The following SUPT3H variants were observed in gnomAD, a reference collection of about 807,000 sequenced individuals.
SUPT3H encodes transcription initiation protein SPT3 homolog.
Under a neutral mutation model 44.3 loss-of-function variants are expected in SUPT3H, and 44 were observed. The observed-to-expected ratio is 0.99, with a 90% CI of 0.78 to 1.28. The LOEUF is 1.28. SUPT3H is among the 50% of genes most tolerant of loss of function. The pLI, the probability that SUPT3H is intolerant of heterozygous loss-of-function variation, is 0.00. For synonymous variants in SUPT3H, 124 were observed against 125.6 expected (o/e 0.99, Z 0.09); for missense variants, 380 against 387.1 (o/e 0.98, Z 0.15).
chr6:45,177,046 G>A (rs1385134302), intron 2 of SUPT3H, among the ~76,000 whole-genome samples: 2 of 152,210 alleles, frequency 1.3e-5, no homozygotes, highest in Non-Finnish European at 2.9e-5. Context: ...TTCCTCACCA[G>A]CAACGGAACA....
At chr6:45,044,189 G>C (rs1168943096) in intron 3 of SUPT3H, among the ~76,000 whole-genome samples, 4 of 152,152 alleles carry the variant, frequency 2.6e-5, no homozygotes, top group Non-Finnish European at 5.9e-5. Context: ...TTAAGCCTCT[G>C]TGCCAATCTC....
intron 10 of SUPT3H, among the ~76,000 whole-genome samples, chr6:44,921,083 T>C (rs1192865827): frequency 6.6e-6 from 1 of 152,194 alleles, no homozygotes; most frequent in East Asian, 1.9e-4. Flanking sequence ...TTTGCTATAT[T>C]TGGATAACTG....
chr6:44,960,153 T>A (rs1241594587), intron 7 of SUPT3H, among the ~76,000 whole-genome samples: 2 of 150,240 alleles, frequency 1.3e-5, no homozygotes, highest in African/African-American at 2.4e-5. Context: ...TATTATTGAG[T>A]TAAAAACAAA....
At chr6:44,898,666 G>A (rs1056910695) in intron 10 of SUPT3H, 3 of 152,512 alleles carry the variant, frequency 2.0e-5, no homozygotes, top group Non-Finnish European at 4.4e-5. Flanking sequence ...TACACCTGAG[G>A]TGCCTGCATT....
chr6:44,813,068 C>T (rs1766644988), intron 11 of SUPT3H, among the ~76,000 whole-genome samples: 1 of 152,064 alleles, frequency 6.6e-6, no homozygotes, highest in Admixed American at 6.6e-5. Context: ...ACCATAGGCT[C>T]TCAGCTGAGA....
intron 2 of SUPT3H, among the ~76,000 whole-genome samples, chr6:45,322,173 T>C (rs1438138379): frequency 6.6e-6 from 1 of 151,956 alleles, no homozygotes; most frequent in South Asian, 2.1e-4. Context: ...TTTTTAAACA[T>C]ATTCAAACAA....
intron 3 of SUPT3H, among the ~76,000 whole-genome samples, chr6:45,037,123 A>G (rs572218742): frequency 6.2e-4 from 94 of 152,300 alleles, no homozygotes; most frequent in African/African-American, 2.3e-3. Context: ...ATAAAACAAA[A>G]TTATAAGAAA....
chr6:45,343,542 CTGAT>C (rs1790255845), intron 2 of SUPT3H, among the ~76,000 whole-genome samples: 1 of 151,822 alleles, frequency 6.6e-6, no homozygotes, highest in Non-Finnish European at 1.5e-5. Flanking sequence ...CCCACAATGA[CTGAT>C]TAAGAGAGAA....
chr6:45,177,952 C>G (rs1228680483), intron 2 of SUPT3H, among the ~76,000 whole-genome samples: 1 of 152,174 alleles, frequency 6.6e-6, no homozygotes, highest in African/African-American at 2.4e-5. Flanking sequence ...CCGGTACCAG[C>G]TGCTGCAAAA....
intron 2 of SUPT3H, among the ~76,000 whole-genome samples, chr6:45,217,575 C>A (rs536438686): frequency 5.4e-4 from 82 of 152,024 alleles, no homozygotes; most frequent in Non-Finnish European, 9.0e-4. Flanking sequence ...GAAAATTATA[C>A]AAAATATAGT....
intron 2 of SUPT3H, among the ~76,000 whole-genome samples, chr6:45,122,218 G>A (rs893928036): frequency 6.6e-6 from 1 of 152,076 alleles, no homozygotes; most frequent in African/African-American, 2.4e-5. Flanking sequence ...GTTGGGGTTG[G>A]GAGCAAGGGT....
intron 2 of SUPT3H, among the ~76,000 whole-genome samples, chr6:45,335,122 TG>T (rs1788293579): frequency 6.6e-6 from 1 of 151,252 alleles, no homozygotes; most frequent in Non-Finnish European, 1.5e-5. Flanking sequence ...CCATGTAACC[TG>T]GGTAAACAAT....
intron 3 of SUPT3H, among the ~76,000 whole-genome samples, chr6:45,044,174 A>T (rs956316906): frequency 2.0e-5 from 3 of 152,120 alleles, no homozygotes; most frequent in Non-Finnish European, 1.5e-5. Context: ...CCATTCATTG[A>T]TTTCTTAAGC....
intron 2 of SUPT3H, among the ~76,000 whole-genome samples, chr6:45,204,866 T>G (rs1248613778): frequency 5.3e-5 from 8 of 152,128 alleles, no homozygotes; most frequent in Non-Finnish European, 1.2e-4. Context: ...CATTAACCCA[T>G]TTTTCTCATT....
At chr6:45,246,866 C>T (rs544150711) in intron 2 of SUPT3H, among the ~76,000 whole-genome samples, 45 of 152,248 alleles carry the variant, frequency 3.0e-4, no homozygotes, top group African/African-American at 1.1e-3. Context: ...GCATTAATTA[C>T]ACATATTAGA....
intron 3 of SUPT3H, among the ~76,000 whole-genome samples, chr6:45,029,838 C>T (rs1184118333): frequency 6.6e-6 from 1 of 152,186 alleles, no homozygotes; most frequent in East Asian, 1.9e-4. Context: ...TACCTTGGCT[C>T]ACTGCAGCCT....
chr6:45,356,582 G>A (rs1268679656), intron 2 of SUPT3H, among the ~76,000 whole-genome samples: 1 of 151,310 alleles, frequency 6.6e-6, no homozygotes, highest in Non-Finnish European at 1.5e-5. Flanking sequence ...TTTTTTTTTA[G>A]TAGAGACAGG....
At chr6:44,924,670 A>T (rs572495172) in intron 10 of SUPT3H, among the ~76,000 whole-genome samples, 1 of 152,234 alleles carries the variant, frequency 6.6e-6, no homozygotes, top group African/African-American at 2.4e-5. Flanking sequence ...ATTAAATTAA[A>T]TGTTTCATAT....
rs1776706353 is a variant in SUPT3H, at chr6:44,965,873, C to A, written c.505-4045G>T. 2.0e-5 allele frequency among the ~76,000 whole-genome samples: 3 copies of A among 152,124 alleles called. 1 individual carries two copies. The South Asian group carries it at 6.2e-4, about 32-fold the overall frequency. On this transcript the variant is annotated intron_variant, in intron 6 of 10. Coordinates refer to ENST00000371459, the MANE Select transcript of SUPT3H (RefSeq NM_003599.4). ...GGAACCGTGCTGCTCTTCTAGAGTG[C>A]TGAGGCAATGCTTTGCTTGGATTTG...
Sources: gnomAD v4.1 joint callset for allele counts (sites outside exome capture counted in the v4.1 genomes callset) on GRCh38, gnomAD v4.1.1 for gene constraint, MANE v1.5 for transcripts, NCBI Gene and HGNC (gene_info 2026-07-23, HGNC 2026-07-21) for gene names.